Variants in PRKN observed in about 807,000 individuals in gnomAD.
PRKN encodes the protein E3 ubiquitin-protein ligase parkin.
Under a neutral mutation model 59.5 loss-of-function variants are expected in PRKN, and 56 were observed. The observed-to-expected ratio is 0.94, with a 90% CI of 0.76 to 1.18. The LOEUF (loss-of-function observed/expected upper bound fraction) is 1.18, where lower values mean the gene tolerates loss of function less well. PRKN is among the 50% of genes most tolerant of loss of function. The pLI is 0.00. For synonymous variants in PRKN, 250 were observed against 222.1 expected (o/e 1.13, Z -1.12); for missense variants, 657 against 596.4 (o/e 1.10, Z -1.06).
chr6:161,649,645 T>G (rs977522006), intron 7 of PRKN, among the ~76,000 whole-genome samples: 1 of 152,212 alleles, frequency 6.6e-6, no homozygotes, highest in African/African-American at 2.4e-5. Context: ...AGTAATATAT[T>G]TCAAGGCTTT....
chr6:161,992,817 A>G (rs536118249), intron 5 of PRKN, among the ~76,000 whole-genome samples: 1 of 152,312 alleles, frequency 6.6e-6, no homozygotes, highest in Admixed American at 6.5e-5. Context: ...TGGGAACTGT[A>G]CAAATACACG....
intron 5 of PRKN, among the ~76,000 whole-genome samples, chr6:162,014,681 C>T (rs1782867292): frequency 6.6e-6 from 1 of 152,120 alleles, no homozygotes; most frequent in Non-Finnish European, 1.5e-5. Flanking sequence ...TCATTAAGGG[C>T]TTGTTGCTTT....
At chr6:161,814,057 C>T (rs907675843) in intron 6 of PRKN, among the ~76,000 whole-genome samples, 2 of 152,160 alleles carry the variant, frequency 1.3e-5, no homozygotes, top group Non-Finnish European at 2.9e-5. Context: ...CAGGGCCTTG[C>T]TGACAGAAGG....
At chr6:162,259,949 G>T (rs1409804986) in intron 3 of PRKN, among the ~76,000 whole-genome samples, 1 of 152,192 alleles carries the variant, frequency 6.6e-6, no homozygotes, top group Admixed American at 6.5e-5. Context: ...CTAATGAGCA[G>T]GAGAGGATTA....
At chr6:161,532,289 T>A (rs1181482328) in intron 9 of PRKN, among the ~76,000 whole-genome samples, 1 of 152,046 alleles carries the variant, frequency 6.6e-6, no homozygotes, top group Non-Finnish European at 1.5e-5. Flanking sequence ...AAATTAAAAT[T>A]CGCAAGTTTT....
chr6:161,391,438 T>G lies in PRKN; in HGVS notation c.1084-4561A>C, dbSNP rs547270236. ...ATGTGATCCATTTCCGTAGAGTTGT[T>G]TTTTTTTTTCGAGAAATTTTAAATG... On this transcript the variant is annotated intron_variant, in intron 9 of 11. Coordinates refer to ENST00000366898, the MANE Select transcript of PRKN (RefSeq NM_004562.3). This position sits in a 1 kb window ranked among gnomAD's most constrained non-coding sequence, Gnocchi z 4.9. Among the ~76,000 whole-genome samples, 46 of 150,570 alleles carry G rather than the reference T, an allele frequency of 3.1e-4. 2 individuals are homozygous for G. In the South Asian group the frequency reaches 9.0e-3, roughly 30 times the overall value.
chr6:161,897,785 A>G (rs895948428), intron 6 of PRKN, among the ~76,000 whole-genome samples: 2 of 147,994 alleles, frequency 1.4e-5, no homozygotes, highest in Non-Finnish European at 3.0e-5. Context: ...ATCGAGACCA[A>G]GGTGAAACCC....
At chr6:162,280,887 T>G (rs561113814) in intron 2 of PRKN, among the ~76,000 whole-genome samples, 2 of 149,918 alleles carry the variant, frequency 1.3e-5, no homozygotes, top group African/African-American at 4.9e-5. Context: ...TGAAAAACCC[T>G]TCCAAAAAAT....
At position 161,582,503 on chromosome 6, in the gene PRKN, T is replaced by C. The variant is rs747106817; in HGVS notation, c.872-13087A>G. ...GTGCAGTGGCGCGATCTAGGCTCAC[T>C]GCAAGCTCCGCCTCCCAGGTTCACG... On this transcript the variant is annotated intron_variant, in intron 7 of 11. Transcript: ENST00000366898. The surrounding 1 kb of genome is among the most constrained non-coding windows in gnomAD (Gnocchi z 4.4). Among the ~76,000 whole-genome samples the C allele has an allele frequency of 1.1e-4, 17 of 151,864 alleles. No homozygotes were observed. The highest frequency in any genetic ancestry group is 1.5e-5 in the Non-Finnish European group (1 of 67,992).
chr6:161,791,309 A>G (rs1790628083), intron 6 of PRKN, among the ~76,000 whole-genome samples: 2 of 152,258 alleles, frequency 1.3e-5, no homozygotes, highest in African/African-American at 4.8e-5. Context: ...TAATGTGGCA[A>G]GTCATTCACA....
intron 1 of PRKN, among the ~76,000 whole-genome samples, chr6:162,615,701 CA>C: frequency 1.3e-5 from 2 of 152,296 alleles, no homozygotes; most frequent in South Asian, 4.1e-4. Context: ...AATTAATTAT[CA>C]AATGTGCCAG....
In PRKN at chr6:162,633,629, G is replaced by A. The variant is rs186721824; in HGVS notation, c.7+94033C>T. Among the ~76,000 whole-genome samples, 4 of 152,156 alleles carry A rather than the reference G, an allele frequency of 2.6e-5. No homozygotes were observed. In the East Asian group the frequency reaches 7.8e-4, roughly 30 times the overall value. ...AACCTGGAGGTTGCAGATTGCCTGAGTTTTGTCCCACTTGCTGAATGCAGA... is the reference window on the plus strand; with the variant it reads ...AACCTGGAGGTTGCAGATTGCCTGAATTTTGTCCCACTTGCTGAATGCAGA... On this transcript the variant is annotated intron_variant, in intron 1 of 11. Coordinates refer to ENST00000366898, the MANE Select transcript of PRKN (RefSeq NM_004562.3).
chr6:162,468,990 G>T (rs1791574825), intron 1 of PRKN, among the ~76,000 whole-genome samples: 1 of 152,072 alleles, frequency 6.6e-6, no homozygotes, highest in African/African-American at 2.4e-5. Flanking sequence ...CAGATATGAG[G>T]TCCTACCAAT....
In PRKN at chr6:162,359,071, A is replaced by AT. The variant is rs1428285716; in HGVS notation, c.171+84238_171+84239insA. ...TGACACACTGTGGCAAAAAAAAAAAAAAAAAAAAATATATATATATATATA... is the reference window on the plus strand; with the variant it reads ...TGACACACTGTGGCAAAAAAAAAAAATAAAAAAAAATATATATATATATATA... On this transcript the variant is annotated intron_variant, in intron 2 of 11. Transcript: ENST00000366898. Among the ~76,000 whole-genome samples the AT allele has an allele frequency of 4.0e-3, 360 of 89,622 alleles. 2 individuals are homozygous for AT. Among genetic ancestry groups the AT allele is most frequent in the Middle Eastern group, 0.022 (5 of 228 alleles). 58.8% of individuals were successfully genotyped at this position (89,622 alleles called of 152,430 possible).
rs1582946086 is a variant in PRKN at position 161,649,752 on chromosome 6, T to TGTTCTTCTC, written c.872-80345_872-80337dup. Among the ~76,000 whole-genome samples, 3 of 152,344 alleles carry TGTTCTTCTC rather than the reference T, an allele frequency of 2.0e-5. No homozygotes were observed. The East Asian group carries it at 5.8e-4, about 29-fold the overall frequency. On this transcript the variant is annotated intron_variant, in intron 7 of 11. Transcript: ENST00000366898. ...GGCTGTCACATATTTATCATTTGAATGTTCTTCTCACAATGTCAGGTTGAC... is the reference window on the plus strand; with the variant it reads ...GGCTGTCACATATTTATCATTTGAATGTTCTTCTCGTTCTTCTCACAATGTCAGGTTGAC...
intron 3 of PRKN, among the ~76,000 whole-genome samples, chr6:162,261,797 C>A (rs1390007519): frequency 1.3e-5 from 2 of 151,868 alleles, no homozygotes; most frequent in African/African-American, 4.8e-5. Context: ...TTATTTTTTG[C>A]AAGATCATCG....
At chr6:162,695,568 T>C (rs535138698) in intron 1 of PRKN, among the ~76,000 whole-genome samples, 2 of 152,336 alleles carry the variant, frequency 1.3e-5, no homozygotes, top group South Asian at 2.1e-4. Flanking sequence ...TTTTCCATCA[T>C]TCATTTTTAA....
At chr6:162,348,501 ATTT>A (rs1784496720) in intron 2 of PRKN, among the ~76,000 whole-genome samples, 1 of 152,182 alleles carries the variant, frequency 6.6e-6, no homozygotes, top group African/African-American at 2.4e-5. Flanking sequence ...AATCAATGAC[ATTT>A]TCTATAATAT....
intron 7 of PRKN, among the ~76,000 whole-genome samples, chr6:161,750,975 C>A (rs1297254260): frequency 6.6e-6 from 1 of 152,012 alleles, no homozygotes; most frequent in Non-Finnish European, 1.5e-5. Context: ...TATGTAAAAA[C>A]TGATGGACTT....
Sources: gnomAD v4.1 joint callset for allele counts (sites outside exome capture counted in the v4.1 genomes callset) on GRCh38, gnomAD v4.1.1 for gene constraint, Gnocchi (gnomAD v3.1) non-coding constraint, MANE v1.5 for transcripts, NCBI Gene and HGNC (gene_info 2026-07-23, HGNC 2026-07-21) for gene names.